BABAM2: variants seen among roughly 807,000 people sequenced by gnomAD.
BABAM2 encodes BRISC and BRCA1-A complex member 2.
BABAM2 carries 31 observed loss-of-function variants against 54.7 expected under a neutral mutation model. That is an observed-to-expected ratio of 0.57 (90% confidence interval 0.43 to 0.77). The LOEUF is 0.77. BABAM2 is among the 30% of genes least tolerant of loss of function. The pLI, the probability that BABAM2 is intolerant of heterozygous loss-of-function variation, is 0.00. For missense variants in BABAM2, 364 were observed against 455.8 expected, an observed-to-expected ratio of 0.80 and a Z score of 1.83; for synonymous variants, 167 against 162.9, an observed-to-expected ratio of 1.03 and a Z score of -0.19.
chr2:28,011,458 T>C (rs1332513444), intron 4 of BABAM2, among the ~76,000 whole-genome samples: 1 of 152,194 alleles, frequency 6.6e-6, no homozygotes, highest in East Asian at 1.9e-4. Flanking sequence ...ATAAGTTGTG[T>C]TACTAGGACA....
intron 10 of BABAM2, among the ~76,000 whole-genome samples, chr2:28,249,740 A>G (rs1013597100): frequency 2.6e-5 from 4 of 152,092 alleles, no homozygotes; most frequent in African/African-American, 9.7e-5. Context: ...TCCTGGGCTC[A>G]GGTGATCCTC....
intron 6 of BABAM2, among the ~76,000 whole-genome samples, chr2:28,073,862 G>C (rs1436532701): frequency 6.6e-6 from 1 of 152,114 alleles, no homozygotes; most frequent in Non-Finnish European, 1.5e-5. Flanking sequence ...GAGTGCTACA[G>C]TGAATATCCA....
At chr2:28,170,380 A>C (rs2147847505) in intron 7 of BABAM2, among the ~76,000 whole-genome samples, 1 of 152,100 alleles carries the variant, frequency 6.6e-6, no homozygotes, top group South Asian at 2.1e-4. Flanking sequence ...ATGAATGTCT[A>C]CTAATTTCTA....
At chr2:28,219,281 A>C (rs925549444) in intron 7 of BABAM2, among the ~76,000 whole-genome samples, 2 of 152,196 alleles carry the variant, frequency 1.3e-5, no homozygotes, top group African/African-American at 4.8e-5. Flanking sequence ...TGCTGTCCTT[A>C]TTTGGCTCAT....
intron 2 of BABAM2, among the ~76,000 whole-genome samples, chr2:27,916,795 G>T (rs1248476592): frequency 3.9e-5 from 6 of 152,242 alleles, no homozygotes; most frequent in Middle Eastern, 3.4e-3. Flanking sequence ...GCTAAAAGTG[G>T]TTTCTCTGCT....
intron 3 of BABAM2, among the ~76,000 whole-genome samples, chr2:27,965,685 A>G (rs1307156305): frequency 1.3e-5 from 2 of 152,326 alleles, no homozygotes; most frequent in East Asian, 3.9e-4. Context: ...ATGTACATAC[A>G]TATACAAACA....
chr2:28,237,045 A>G (rs901445494), intron 7 of BABAM2, among the ~76,000 whole-genome samples, 157 bp from the exon 8 acceptor site: 5 of 152,190 alleles, frequency 3.3e-5, no homozygotes, highest in Admixed American at 3.3e-4. Flanking sequence ...TAAAATACAG[A>G]AATGTAATCA....
At chr2:28,250,275 C>T (rs916783585) in intron 10 of BABAM2, among the ~76,000 whole-genome samples, 6 of 145,142 alleles carry the variant, frequency 4.1e-5, no homozygotes, top group African/African-American at 7.6e-5. Context: ...CTGAAGCAGG[C>T]GTGGCTGGAG....
chr2:28,236,357 TTTTTTTC>T (rs1219524380), intron 7 of BABAM2, among the ~76,000 whole-genome samples: 4 of 151,702 alleles, frequency 2.6e-5, no homozygotes, highest in African/African-American at 7.3e-5. Flanking sequence ...TTTTTTTTTC[TTTTTTTC>T]TTTTTTCTTT....
At chr2:28,183,236 C>G (rs900839191) in intron 7 of BABAM2, among the ~76,000 whole-genome samples, 5 of 152,090 alleles carry the variant, frequency 3.3e-5, no homozygotes, top group Non-Finnish European at 7.4e-5. Context: ...GTCAGAAGTT[C>G]AAGACCAGCC....
intron 11 of BABAM2, among the ~76,000 whole-genome samples, chr2:28,326,579 A>T (rs561395372): frequency 6.6e-6 from 1 of 152,224 alleles, no homozygotes; most frequent in South Asian, 2.1e-4. Context: ...CCTGCCTCTC[A>T]TCAAGCAGGT....
chr2:27,894,280 G>A (rs564097705), intron 1 of BABAM2, among the ~76,000 whole-genome samples: 3 of 152,254 alleles, frequency 2.0e-5, no homozygotes, highest in Admixed American at 1.3e-4. Flanking sequence ...TCAGCTTTGG[G>A]AAGGAAAAGG....
chr2:27,978,779 ATCACCCTCCTC>A, intron 3 of BABAM2, among the ~76,000 whole-genome samples: 1 of 152,150 alleles, frequency 6.6e-6, no homozygotes, highest in East Asian at 1.9e-4. Flanking sequence ...GTTTTTGACC[ATCACCCTCCTC>A]TCACCCTCCA....
intron 6 of BABAM2, among the ~76,000 whole-genome samples, chr2:28,053,982 G>A (rs1364937059): frequency 2.0e-5 from 3 of 152,078 alleles, no homozygotes; most frequent in African/African-American, 7.2e-5. Context: ...TCATGAATAT[G>A]TACAGTTATT....
intron 10 of BABAM2, among the ~76,000 whole-genome samples, chr2:28,256,583 G>T (rs1289398307): frequency 6.6e-6 from 1 of 152,076 alleles, no homozygotes; most frequent in Non-Finnish European, 1.5e-5. Flanking sequence ...TGAGGTATTG[G>T]CTGAGTACCT....
chr2:27,937,676 G>A (rs990923042), intron 3 of BABAM2, among the ~76,000 whole-genome samples: 2 of 152,010 alleles, frequency 1.3e-5, no homozygotes, highest in African/African-American at 4.8e-5. Context: ...CTTCTATTTA[G>A]TGGCTTGAAT....
intron 7 of BABAM2, among the ~76,000 whole-genome samples, chr2:28,210,566 C>G (rs180741371): frequency 1.1e-3 from 162 of 152,220 alleles, no homozygotes; most frequent in Admixed American, 4.6e-3. Flanking sequence ...AGAAAGATGC[C>G]AAAAGCATGT....
rs141154740 is a variant in BABAM2, at chr2:28,286,521, G to A, written c.935-11817G>A. ...TGTATTCCGTCTACCCAGATCCCCCGCATTCCCTCGCTGGGCCTCTACGGT... is the reference window on the plus strand; with the variant it reads ...TGTATTCCGTCTACCCAGATCCCCCACATTCCCTCGCTGGGCCTCTACGGT... On this transcript the variant is annotated intron_variant, in intron 10 of 11. Transcript: ENST00000379624. Among the ~76,000 whole-genome samples the A allele has an allele frequency of 7.2e-3, 1,088 of 152,130 alleles. 8 individuals are homozygous for A. The highest frequency in any genetic ancestry group is 0.025 in the African/African-American group (1,023 of 41,506).
intron 3 of BABAM2, among the ~76,000 whole-genome samples, chr2:27,976,146 G>A (rs1180188733): frequency 6.6e-6 from 1 of 152,062 alleles, no homozygotes; most frequent in South Asian, 2.1e-4. Flanking sequence ...AAAAAGGTTG[G>A]CAGTTTGTTT....
Sources: allele counts gnomAD v4.1 joint callset (sites outside exome capture counted in the v4.1 genomes callset), GRCh38; gene constraint gnomAD v4.1.1; transcripts MANE v1.5; gene names NCBI Gene and HGNC (gene_info 2026-07-23, HGNC 2026-07-21).